MED12L: variants seen among roughly 807,000 people sequenced by gnomAD.
MED12L encodes the protein mediator complex subunit 12L.
A neutral mutation model predicts 281.3 loss-of-function variants in MED12L; 60 were observed. That is an observed-to-expected ratio of 0.21 (90% CI 0.17 to 0.26). The LOEUF (loss-of-function observed/expected upper bound fraction) is 0.26, where lower values mean the gene tolerates loss of function less well. Among genes scored for constraint, MED12L ranks in the 10% least tolerant of loss-of-function variants. The pLI, the probability that MED12L is intolerant of heterozygous loss-of-function variation, is 1.00. For missense variants in MED12L, 2,146 were observed against 2,680.9 expected, an observed-to-expected ratio of 0.80 and a Z score of 4.41; for synonymous variants, 974 against 987.2, an observed-to-expected ratio of 0.99 and a Z score of 0.25.
intron 16 of MED12L, among the ~76,000 whole-genome samples, chr3:151,252,856 G>A (rs1266833713): frequency 6.6e-6 from 1 of 152,000 alleles, no homozygotes; most frequent in East Asian, 1.9e-4. Context: ...CTGGTATTTG[G>A]GGTTGTGTGG....
At position 151,193,554 on chromosome 3, in the gene MED12L, C is replaced by T. The variant is rs1294970430; in HGVS notation, c.2138C>T (p.Ser713Leu). The change falls in exon 16 of 45, where the codon TCA (serine) becomes TTA (leucine). Residue 713 changes from serine to leucine, a missense_variant. Ser to Leu is a moderately radical substitution (Grantham distance 145). Around this residue, in one of 9 missense-constraint regions of MED12L, gnomAD observed 722 missense variants for 861.2 expected, o/e 0.84. Transcript: ENST00000687756. ...NANTSLGRRM[S>L]VNCEKLVKRE... ...AACACTTCGTTGGGCAGAAGAATGTCAGTTAATTGTGAGAAGTTGGTGAAG... is the reference window on the plus strand; with the variant it reads ...AACACTTCGTTGGGCAGAAGAATGTTAGTTAATTGTGAGAAGTTGGTGAAG... 6.2e-7 allele frequency: 1 copy of T among 1,613,830 alleles called. No individual in the cohort carries two copies. The highest frequency in any genetic ancestry group is 2.2e-5 in the East Asian group (1 of 44,872).
chr3:151,415,647 AATTTTAAAGGTC>A (rs1251932591), intron 42 of MED12L, among the ~76,000 whole-genome samples: 1 of 152,222 alleles, frequency 6.6e-6, no homozygotes, highest in African/African-American at 2.4e-5. Flanking sequence ...GGGTGGAGGA[AATTTTAAAGGTC>A]ATTGAAACAA....
chr3:151,198,892 A>G (rs1725085415), intron 16 of MED12L: 2 of 1,613,988 alleles, frequency 1.2e-6, no homozygotes, highest in African/African-American at 1.3e-5. Flanking sequence ...TAAACTCCAT[A>G]CAACCCACAT....
At chr3:151,247,159 T>C (rs926811318) in intron 16 of MED12L, among the ~76,000 whole-genome samples, 4 of 152,068 alleles carry the variant, frequency 2.6e-5, no homozygotes, top group African/African-American at 4.8e-5. Context: ...TTTTACACTG[T>C]TGGTGGGACT....
intron 16 of MED12L, among the ~76,000 whole-genome samples, chr3:151,299,882 C>T (rs1389729203): frequency 6.6e-6 from 1 of 152,102 alleles, no homozygotes; most frequent in East Asian, 1.9e-4. Context: ...TGATAGCAAG[C>T]TAAATTTATC....
rs763332985 is a variant in MED12L, at chr3:151,213,991, A to G, written c.2250+20325A>G. ...AAAGCTGATGAGCCCAAAGAACACA[A>G]TGCTGACGTACATGTTGACGTAGAA... On this transcript the variant is annotated intron_variant, in intron 16 of 44. Coordinates refer to ENST00000687756, the MANE Select transcript of MED12L (RefSeq NM_001393769.1). 4 of 1,614,064 alleles carry G rather than the reference A, an allele frequency of 2.5e-6. No individual in the cohort carries two copies. In the South Asian group the frequency reaches 4.4e-5, roughly 18 times the overall value.
chr3:151,153,131 C>T (rs1477554509), intron 5 of MED12L, among the ~76,000 whole-genome samples: 3 of 152,174 alleles, frequency 2.0e-5, no homozygotes, highest in African/African-American at 7.2e-5. Flanking sequence ...AGCTATGCAT[C>T]GGTGACCAAG....
intron 16 of MED12L, among the ~76,000 whole-genome samples, chr3:151,215,273 G>A (rs995306418): frequency 2.7e-4 from 41 of 152,208 alleles, no homozygotes; most frequent in African/African-American, 8.9e-4. Context: ...AGCCATGTGT[G>A]GGTATTGAGC....
chr3:151,318,948 C>T (rs1748638668), intron 16 of MED12L, among the ~76,000 whole-genome samples: 1 of 152,116 alleles, frequency 6.6e-6, no homozygotes, highest in Admixed American at 6.5e-5. Context: ...TGCACTTTTT[C>T]CTTTCCCAAT....
chr3:151,417,451 A>G (rs572702260), intron 43 of MED12L, among the ~76,000 whole-genome samples: 2 of 149,732 alleles, frequency 1.3e-5, no homozygotes, highest in Non-Finnish European at 3.0e-5. Context: ...ACTCTGCGTA[A>G]GCCAGTTTGT....
intron 5 of MED12L, among the ~76,000 whole-genome samples, chr3:151,145,096 A>G (rs779850842): frequency 6.6e-6 from 1 of 152,190 alleles, no homozygotes; most frequent in Non-Finnish European, 1.5e-5. Context: ...AAGAACACTT[A>G]CTAGCCCTGT....
intron 16 of MED12L, among the ~76,000 whole-genome samples, chr3:151,320,357 C>G (rs545954872): frequency 6.6e-6 from 1 of 152,098 alleles, no homozygotes; most frequent in African/African-American, 2.4e-5. Context: ...TCTTGAATGC[C>G]CGTGTTGGTC....
chr3:151,290,412 A>G (rs781095406), intron 16 of MED12L, among the ~76,000 whole-genome samples: 3 of 152,204 alleles, frequency 2.0e-5, no homozygotes, highest in Non-Finnish European at 2.9e-5. Context: ...AGTATTCAAA[A>G]TGAAAGTTGC....
intron 16 of MED12L, among the ~76,000 whole-genome samples, chr3:151,242,203 G>A (rs1308453870): frequency 2.0e-5 from 3 of 152,146 alleles, no homozygotes; most frequent in Non-Finnish European, 2.9e-5. Context: ...GGGGAGGGGC[G>A]CCCGCCATTG....
At chr3:151,087,775 G>A (rs568599314) in intron 2 of MED12L, among the ~76,000 whole-genome samples, 3 of 152,288 alleles carry the variant, frequency 2.0e-5, no homozygotes, top group South Asian at 4.1e-4. Flanking sequence ...GGGTAACCAT[G>A]GCATTTTGTA....
intron 5 of MED12L, among the ~76,000 whole-genome samples, chr3:151,151,687 A>G (rs1443865458): frequency 6.6e-6 from 1 of 152,112 alleles, no homozygotes; most frequent in Non-Finnish European, 1.5e-5. Flanking sequence ...TTATATGGGA[A>G]TGGTTCGTGG....
At chr3:151,328,854 C>T in intron 16 of MED12L, 1 of 1,613,934 alleles carries the variant, frequency 6.2e-7, no homozygotes, top group Non-Finnish European at 8.5e-7. Context: ...TGAACAAACA[C>T]CCACAGAGCC....
intron 2 of MED12L, among the ~76,000 whole-genome samples, chr3:151,097,129 T>C (rs1219808497): frequency 6.6e-6 from 1 of 152,206 alleles, no homozygotes; most frequent in East Asian, 1.9e-4. Flanking sequence ...GTGCTGGAGG[T>C]CATTTCTATC....
chr3:151,256,896 G>A (rs7611328), intron 16 of MED12L, among the ~76,000 whole-genome samples: 126,311 of 148,150 alleles, frequency 0.85, 54,127 homozygotes, highest in African/African-American at 0.95. Flanking sequence ...GGGGAAAATA[G>A]TGTTTGAATT....
Sources: gnomAD v4.1 joint callset for allele counts (sites outside exome capture counted in the v4.1 genomes callset) on GRCh38, gnomAD v4.1.1 for gene constraint, gnomAD v4.1.1 regional missense constraint, MANE v1.5 for transcripts, NCBI Gene and HGNC (gene_info 2026-07-23, HGNC 2026-07-21) for gene names.